Variants in ROBO2 observed in about 807,000 individuals in gnomAD.
The protein encoded by ROBO2 is roundabout homolog 2.
Under a neutral mutation model 160.8 loss-of-function variants are expected in ROBO2, and 53 were observed. The ratio of observed to expected loss-of-function variants is 0.33; its 90% CI spans 0.26 to 0.41. The LOEUF (loss-of-function observed/expected upper bound fraction) is 0.41, where lower values mean the gene tolerates loss of function less well. Ranked by LOEUF, ROBO2 falls within the 10% of genes least tolerant of loss-of-function variation. The pLI is 1.00. For synonymous variants in ROBO2, 664 were observed against 611.7 expected, an observed-to-expected ratio of 1.09 and a Z score of -1.26; for missense variants, 1,577 against 1,722.4, an observed-to-expected ratio of 0.92 and a Z score of 1.49.
At chr3:76,885,540 T>C (rs1464991727) in intron 2 of ROBO2, among the ~76,000 whole-genome samples, 1 of 152,212 alleles carries the variant, frequency 6.6e-6, no homozygotes, top group Admixed American at 6.5e-5. Context: ...CTGAAACTAT[T>C]CCAGGATGTG....
In ROBO2 at chr3:77,410,567, T is replaced by TTCCTCCTCCTCTTCC. The variant is rs1202355389; in HGVS notation, c.389-66812_389-66798dup. Among the ~76,000 whole-genome samples the TTCCTCCTCCTCTTCC allele has an allele frequency of 3.0e-3, 149 of 49,422 alleles. 1 individual carries two copies. Among genetic ancestry groups the TTCCTCCTCCTCTTCC allele is most frequent in the Non-Finnish European group, 4.4e-3 (97 of 21,980 alleles). 32.4% of individuals were successfully genotyped at this position (49,422 alleles called of 152,430 possible). A position where few individuals can be genotyped will look rare whatever the true frequency, so the allele number is the denominator to read the frequency against. The stretch of plus-strand genomic sequence containing the variant: ...CTTCCTCCTCTTCTTCCTCCTCTTC[T>TTCCTCCTCCTCTTCC]TCCTCCTCCTCTTCCTCCTCCTCCT... On this transcript the variant is annotated intron_variant, in intron 2 of 25. Transcript: ENST00000461745.
chr3:76,313,334 A>G (rs1285627824), intron 2 of ROBO2, among the ~76,000 whole-genome samples: 1 of 152,180 alleles, frequency 6.6e-6, no homozygotes, highest in Non-Finnish European at 1.5e-5. Flanking sequence ...GAGCTTGGCT[A>G]TTGATGGTGG....
chr3:76,886,089 G>T (rs1194441560), intron 2 of ROBO2, among the ~76,000 whole-genome samples: 2 of 152,154 alleles, frequency 1.3e-5, no homozygotes, highest in Admixed American at 6.5e-5. Context: ...TGCGCTTGAT[G>T]CAGAGTGTTG....
rs564639512 is a variant in ROBO2, at chr3:76,908,030, G to C, written c.110-189984G>C. ...AATTTTTCTATTGTTAGTAGAAACGGGTTTTCACCATGTTGGCCAGGCTGG... is the reference window on the plus strand; with the variant it reads ...AATTTTTCTATTGTTAGTAGAAACGCGTTTTCACCATGTTGGCCAGGCTGG... On this transcript the variant is annotated intron_variant, in intron 2 of 26. Transcript: ENST00000487694. 3.3e-5 allele frequency among the ~76,000 whole-genome samples: 5 copies of C among 151,996 alleles called. No homozygotes were observed. The East Asian group carries it at 9.7e-4, about 30-fold the overall frequency.
At chr3:75,981,554 G>T (rs1368468428) in intron 2 of ROBO2, among the ~76,000 whole-genome samples, 2 of 148,838 alleles carry the variant, frequency 1.3e-5, no homozygotes, top group East Asian at 4.0e-4. Context: ...ATTAATATTT[G>T]TATTGATATT....
At chr3:76,703,984 CTT>C (rs150302835) in intron 2 of ROBO2, among the ~76,000 whole-genome samples, 2 of 145,868 alleles carry the variant, frequency 1.4e-5, no homozygotes, top group African/African-American at 5.0e-5. Context: ...AATAGTACTT[CTT>C]TTTTTTTTTC....
At chr3:77,197,125 G>A (rs994670754) in intron 2 of ROBO2, among the ~76,000 whole-genome samples, 4 of 152,156 alleles carry the variant, frequency 2.6e-5, no homozygotes, top group African/African-American at 7.2e-5. Context: ...TATTTCTGCT[G>A]GGTGGGAAGG....
intron 2 of ROBO2, among the ~76,000 whole-genome samples, chr3:76,737,729 G>A (rs1336937969): frequency 6.6e-6 from 1 of 152,218 alleles, no homozygotes; most frequent in Non-Finnish European, 1.5e-5. Context: ...TAGAGAAATT[G>A]TATAGTGAAG....
At chr3:76,005,052 A>G (rs996444011) in intron 2 of ROBO2, among the ~76,000 whole-genome samples, 4 of 152,152 alleles carry the variant, frequency 2.6e-5, no homozygotes, top group Admixed American at 6.5e-5. Context: ...TTGCTGTCTC[A>G]CCTTCCACCA....
intron 2 of ROBO2, among the ~76,000 whole-genome samples, chr3:76,668,126 G>A (rs2092124278): frequency 6.6e-6 from 1 of 152,108 alleles, no homozygotes; most frequent in South Asian, 2.1e-4. Flanking sequence ...ATCAGTCCAT[G>A]TGGAAATTAC....
In ROBO2 at chr3:76,133,442, C is replaced by A. The variant is rs141396894; in HGVS notation, c.109+195840C>A. Reference sequence around the variant, plus strand: ...ATTAGTCTACTAGTCTCTAAAGGGACAGAACTAATAGAATAGATGAATATA... The same window carrying A: ...ATTAGTCTACTAGTCTCTAAAGGGAAAGAACTAATAGAATAGATGAATATA... On this transcript the variant is annotated intron_variant, in intron 2 of 26. Coordinates refer to the ROBO2 transcript ENST00000487694. 7.9e-5 allele frequency among the ~76,000 whole-genome samples: 12 copies of A among 151,434 alleles called. No individual in the cohort carries two copies. The East Asian group carries it at 2.3e-3, about 30-fold the overall frequency.
intron 2 of ROBO2, among the ~76,000 whole-genome samples, chr3:76,779,947 A>T (rs917212960): frequency 1.3e-5 from 2 of 150,910 alleles, no homozygotes; most frequent in Non-Finnish European, 3.0e-5. Flanking sequence ...TTGTAGTTCT[A>T]TTTTTTAATC....
intron 2 of ROBO2, among the ~76,000 whole-genome samples, chr3:76,664,288 C>T (rs2091938767): frequency 2.0e-5 from 3 of 151,958 alleles, no homozygotes; most frequent in Non-Finnish European, 4.4e-5. Flanking sequence ...AGGTGGGAGA[C>T]TTGTTAAAAG....
intron 2 of ROBO2, among the ~76,000 whole-genome samples, chr3:76,426,578 A>G (rs1329566666): frequency 6.6e-6 from 1 of 152,204 alleles, no homozygotes; most frequent in African/African-American, 2.4e-5. Context: ...TAAGGGAAAG[A>G]TACATGCAAT....
At chr3:77,318,236 G>A (rs759591849) in intron 2 of ROBO2, among the ~76,000 whole-genome samples, 8 of 151,958 alleles carry the variant, frequency 5.3e-5, no homozygotes, top group Admixed American at 1.3e-4. Context: ...GTTTCGCCAT[G>A]TTGGCCCGGC....
chr3:76,932,358 T>A (rs932292543), intron 2 of ROBO2, among the ~76,000 whole-genome samples: 2 of 152,018 alleles, frequency 1.3e-5, no homozygotes, highest in African/African-American at 4.8e-5. Flanking sequence ...AAAATAAATA[T>A]AAATAACATA....
At chr3:77,348,439 T>G (rs2067920920) in intron 2 of ROBO2, among the ~76,000 whole-genome samples, 1 of 152,126 alleles carries the variant, frequency 6.6e-6, no homozygotes, top group Non-Finnish European at 1.5e-5. Flanking sequence ...ATCTTGGTTT[T>G]GATGGGTTGG....
chr3:77,156,499 A>G (rs924411364), intron 2 of ROBO2, among the ~76,000 whole-genome samples: 2 of 152,024 alleles, frequency 1.3e-5, no homozygotes, highest in African/African-American at 2.4e-5. Flanking sequence ...ATTGTCATAC[A>G]TATTAGTTAT....
intron 2 of ROBO2, among the ~76,000 whole-genome samples, chr3:76,879,565 T>C (rs566932728): frequency 2.5e-4 from 38 of 152,090 alleles, no homozygotes; most frequent in Non-Finnish European, 5.0e-4. Flanking sequence ...ACAAGCAGAA[T>C]ACATGTGAAG....
Sources: gnomAD v4.1 joint callset for allele counts (sites outside exome capture counted in the v4.1 genomes callset) on GRCh38, gnomAD v4.1.1 for gene constraint, MANE v1.5 for transcripts, NCBI Gene and HGNC (gene_info 2026-07-23, HGNC 2026-07-21) for gene names.